PDS5B: variants seen among roughly 807,000 people sequenced by gnomAD.
The protein encoded by PDS5B is PDS5 cohesin associated factor B.
A neutral mutation model predicts 184.1 loss-of-function variants in PDS5B; 51 were observed. The observed-to-expected ratio is 0.28, with a 90% CI of 0.22 to 0.35. The LOEUF is 0.35. Among genes scored for constraint, PDS5B ranks in the 10% least tolerant of loss-of-function variants. PDS5B has a pLI of 1.00. For synonymous variants in PDS5B, 566 were observed against 569.2 expected (o/e 0.99, Z 0.08); for missense variants, 1,180 against 1,723.3 (o/e 0.68, Z 5.58).
At chr13:32,605,969 G>A (rs1192538996) in intron 1 of PDS5B, among the ~76,000 whole-genome samples, 1 of 151,462 alleles carries the variant, frequency 6.6e-6, no homozygotes, top group Non-Finnish European at 1.5e-5. Flanking sequence ...GTCTCTGCGT[G>A]TGAGATGGGT....
At chr13:32,670,590 A>G (rs513329) in intron 7 of PDS5B, among the ~76,000 whole-genome samples, 35,513 of 152,076 alleles carry the variant, frequency 0.23, 4,448 homozygotes, top group South Asian at 0.38. Context: ...TAAACAGTAC[A>G]TATATATTTG....
At chr13:32,680,626 G>C (rs964301012) in intron 10 of PDS5B, among the ~76,000 whole-genome samples, 4 of 152,152 alleles carry the variant, frequency 2.6e-5, no homozygotes, top group Non-Finnish European at 5.9e-5. Context: ...TTTATCTCCA[G>C]ACTTCTTTTG....
intron 1 of PDS5B, among the ~76,000 whole-genome samples, chr13:32,648,302 C>A (rs1006187202): frequency 1.3e-5 from 2 of 152,126 alleles, no homozygotes; most frequent in African/African-American, 4.8e-5. Flanking sequence ...GTTCCCCTTG[C>A]CCTATAAGAC....
rs577667824 is a variant in PDS5B at position 32,625,066 on chromosome 13, G to T, written c.-19-23688G>T. On this transcript the variant is annotated intron_variant, in intron 1 of 34. Coordinates refer to ENST00000315596, the MANE Select transcript of PDS5B (RefSeq NM_015032.4). Reference sequence around the variant, plus strand: ...ATACAGTATTAATATATATATTACTGGAAAAAGATGTTCAGTTTTTAAGCT... The same window carrying T: ...ATACAGTATTAATATATATATTACTTGAAAAAGATGTTCAGTTTTTAAGCT... Among the ~76,000 whole-genome samples the T allele has an allele frequency of 1.6e-4, 24 of 152,080 alleles. No individual in the cohort carries two copies. In the South Asian group the frequency reaches 5.0e-3, roughly 32 times the overall value.
Position 32,775,112 on chromosome 13 carries a change from T to TTTTTTTTA in PDS5B, c.*60_*61insTTTTTTTA. On this transcript the variant is annotated 3_prime_UTR_variant, in exon 35 of 35. Coordinates refer to ENST00000315596, the MANE Select transcript of PDS5B (RefSeq NM_015032.4). ...TTGGAAAAATCTTTTTTTTTTTTTT[T>TTTTTTTTA]GGTCAAGCTTGAGGCTGAATAAAGC... 1 of 1,497,236 alleles carries TTTTTTTTA rather than the reference T, an allele frequency of 6.7e-7. No homozygotes were observed. Among genetic ancestry groups the TTTTTTTTA allele is most frequent in the Non-Finnish European group, 9.2e-7 (1 of 1,091,316 alleles). The allele number at this position is 1,497,236 out of a possible 1,614,324, so 92.7% of individuals were successfully genotyped here.
intron 19 of PDS5B, among the ~76,000 whole-genome samples, chr13:32,717,883 A>G (rs1800902995): frequency 6.6e-6 from 1 of 151,544 alleles, no homozygotes; most frequent in Non-Finnish European, 1.5e-5. Context: ...AAAACCTAGT[A>G]AAAGATATCC....
intron 1 of PDS5B, among the ~76,000 whole-genome samples, chr13:32,621,460 C>T (rs1280816221): frequency 6.6e-6 from 1 of 151,984 alleles, no homozygotes; most frequent in Admixed American, 6.5e-5. Flanking sequence ...GAGCAAGACC[C>T]TGTCTCAAAA....
At chr13:32,660,604 GTATC>G (rs1174335357) in intron 6 of PDS5B, among the ~76,000 whole-genome samples, 1 of 152,180 alleles carries the variant, frequency 6.6e-6, no homozygotes, top group African/African-American at 2.4e-5. Flanking sequence ...CACAAATCGA[GTATC>G]TAGCTTGGCT....
At chr13:32,591,125 T>TTTA (rs755969491) in intron 1 of PDS5B, among the ~76,000 whole-genome samples, 4 of 151,730 alleles carry the variant, frequency 2.6e-5, no homozygotes, top group Non-Finnish European at 5.9e-5. Flanking sequence ...ATTTATTTAT[T>TTTA]TTATTATTAT....
chr13:32,663,326 C>A (rs4942792), intron 6 of PDS5B, among the ~76,000 whole-genome samples: 19 of 140,492 alleles, frequency 1.4e-4, no homozygotes, highest in South Asian at 4.5e-4. Flanking sequence ...GCAAACCAAG[C>A]AAGAAAAAAA....
chr13:32,618,774 T>C (rs866578282), intron 1 of PDS5B, among the ~76,000 whole-genome samples: 1 of 152,238 alleles, frequency 6.6e-6, no homozygotes. Context: ...TAAAATAGTT[T>C]CCTGCTTTAA....
chr13:32,774,927 A>G lies in PDS5B; in HGVS notation c.4309-90A>G. On this transcript the variant is annotated intron_variant, in intron 34 of 34. Coordinates refer to ENST00000315596, the MANE Select transcript of PDS5B (RefSeq NM_015032.4). ...GGAAAGCAAAGAAAATCAGGAACAA[A>G]TGAGAATAAAGATTAGTTAAAAATG... 4 of 1,191,992 alleles carry G rather than the reference A, an allele frequency of 3.4e-6. No homozygotes were observed. In the South Asian group the frequency reaches 3.9e-5, roughly 12 times the overall value. 73.8% of individuals were successfully genotyped at this position (1,191,992 alleles called of 1,614,324 possible).
In PDS5B at chr13:32,759,575, C is replaced by T. The variant is rs999058746; in HGVS notation, c.3310-53C>T. 7 of 891,312 alleles carry T rather than the reference C, an allele frequency of 7.9e-6. No individual in the cohort carries two copies. In the African/African-American group the frequency reaches 1.0e-4, roughly 13 times the overall value. 55.2% of individuals were successfully genotyped at this position (891,312 alleles called of 1,614,324 possible). A position where few individuals can be genotyped will look rare whatever the true frequency, so the allele number is the denominator to read the frequency against. On this transcript the variant is annotated intron_variant, in intron 28 of 34. Transcript: ENST00000315596. ...TTTGCTTTGTTGGCTTTTGAACCACCTGTAGATAGTGTTTTAATATTCACT... is the reference window on the plus strand; with the variant it reads ...TTTGCTTTGTTGGCTTTTGAACCACTTGTAGATAGTGTTTTAATATTCACT...
chr13:32,745,752 G>C (rs1953719859), intron 23 of PDS5B, among the ~76,000 whole-genome samples: 1 of 151,912 alleles, frequency 6.6e-6, no homozygotes, highest in African/African-American at 2.4e-5. Context: ...CATTCATGAG[G>C]GTTTCCCACA....
At chr13:32,700,556 T>C (rs893209517) in intron 16 of PDS5B, among the ~76,000 whole-genome samples, 2 of 152,124 alleles carry the variant, frequency 1.3e-5, no homozygotes, top group Non-Finnish European at 2.9e-5. Context: ...CTTTTGTAAG[T>C]TGTGTTTATA....
intron 15 of PDS5B, among the ~76,000 whole-genome samples, chr13:32,697,653 C>T (rs1253297868): frequency 1.3e-5 from 2 of 152,208 alleles, no homozygotes; most frequent in Non-Finnish European, 2.9e-5. Flanking sequence ...AAACTACTTT[C>T]CAGTCCCCTG....
chr13:32,599,327 G>T (rs778208795), intron 1 of PDS5B, among the ~76,000 whole-genome samples: 1 of 151,490 alleles, frequency 6.6e-6, no homozygotes, highest in Non-Finnish European at 1.5e-5. Context: ...GCAGTGGCGT[G>T]ATCTCAGCTC....
chr13:32,689,104 G>C (rs1407326823), intron 13 of PDS5B: 1 of 156,166 alleles, frequency 6.4e-6, no homozygotes, highest in Admixed American at 6.2e-5. Flanking sequence ...TGGTGTGTTA[G>C]ACATGGAAAA....
At chr13:32,618,034 T>C (rs2058244303) in intron 1 of PDS5B, among the ~76,000 whole-genome samples, 1 of 152,176 alleles carries the variant, frequency 6.6e-6, no homozygotes, top group Admixed American at 6.5e-5. Flanking sequence ...GATGCTGTGT[T>C]CTCATATGGT....
Sources: allele counts gnomAD v4.1 joint callset (sites outside exome capture counted in the v4.1 genomes callset), GRCh38; gene constraint gnomAD v4.1.1; transcripts MANE v1.5; gene names NCBI Gene and HGNC (gene_info 2026-07-23, HGNC 2026-07-21).